Variants in GRIK1 observed in about 807,000 individuals in gnomAD.
The protein encoded by GRIK1 is glutamate receptor ionotropic, kainate 1.
Under a neutral mutation model 105.7 loss-of-function variants are expected in GRIK1, and 69 were observed. That is an observed-to-expected ratio of 0.65 (90% CI 0.54 to 0.80). The LOEUF (loss-of-function observed/expected upper bound fraction) is 0.80, where lower values mean the gene tolerates loss of function less well. Among genes scored for constraint, GRIK1 ranks in the 30% least tolerant of loss-of-function variants. The probability of loss-of-function intolerance (pLI) is 0.00; values close to 1 mark genes in which losing one functional copy is unlikely to be tolerated. For synonymous variants in GRIK1, 438 were observed against 431.3 expected, an observed-to-expected ratio of 1.02 and a Z score of -0.19; for missense variants, 1,109 against 1,167.3, an observed-to-expected ratio of 0.95 and a Z score of 0.73.
chr21:29,758,616 G>A (rs1243885221), intron 1 of GRIK1, among the ~76,000 whole-genome samples: 1 of 152,178 alleles, frequency 6.6e-6, no homozygotes, highest in Non-Finnish European at 1.5e-5. Context: ...ATAAGGTCAA[G>A]TCATGACAAA....
At chr21:29,738,410 C>G (rs1236594058) in intron 1 of GRIK1, among the ~76,000 whole-genome samples, 2 of 152,144 alleles carry the variant, frequency 1.3e-5, no homozygotes, top group African/African-American at 4.8e-5. Flanking sequence ...TCCATCATAC[C>G]AAGAGGATGG....
chr21:29,588,500 C>A (rs1310874846), intron 11 of GRIK1, among the ~76,000 whole-genome samples: 1 of 152,158 alleles, frequency 6.6e-6, no homozygotes, highest in African/African-American at 2.4e-5. Context: ...ACCTGCCACC[C>A]TGTGATGAAG....
chr21:29,594,133 G>A (rs970190135), intron 9 of GRIK1, among the ~76,000 whole-genome samples: 32 of 152,276 alleles, frequency 2.1e-4, no homozygotes, highest in African/African-American at 7.5e-4. Flanking sequence ...TATATGCTGA[G>A]TGACCTCAGT....
chr21:29,778,907 G>C (rs775750326), intron 1 of GRIK1, among the ~76,000 whole-genome samples: 7 of 152,084 alleles, frequency 4.6e-5, no homozygotes, highest in Non-Finnish European at 1.0e-4. Flanking sequence ...CTTAACCAGA[G>C]GGCTTTTCGA....
chr21:29,819,525 T>C (rs2067242375), intron 1 of GRIK1, among the ~76,000 whole-genome samples: 1 of 152,026 alleles, frequency 6.6e-6, no homozygotes, highest in East Asian at 1.9e-4. Flanking sequence ...ATTTTCTTCT[T>C]TCTATTTTTA....
Position 29,670,439 on chromosome 21 carries a change from C to T in GRIK1, c.726+2544G>A, listed in dbSNP as rs558988640. 6.0e-4 allele frequency among the ~76,000 whole-genome samples: 91 copies of T among 152,174 alleles called. 1 individual carries two copies. Among genetic ancestry groups the T allele is most frequent in the East Asian group, 9.6e-4 (5 of 5,192 alleles). ...TAATTGTCCTTTGAATGATGTAATC[C>T]CCAGGCTACTAGGAAAGAGCTACTT... On this transcript the variant is annotated intron_variant, in intron 4 of 17. Transcript: ENST00000327783.
intron 7 of GRIK1, chr21:29,601,295 A>G: frequency 4.2e-6 from 2 of 477,390 alleles, no homozygotes; most frequent in Admixed American, 2.0e-5. Flanking sequence ...CTTCGTTCTC[A>G]GGCCTTTAGA....
At chr21:29,732,763 C>T (rs982313375) in intron 1 of GRIK1, among the ~76,000 whole-genome samples, 1 of 152,060 alleles carries the variant, frequency 6.6e-6, no homozygotes, top group African/African-American at 2.4e-5. Context: ...TTGCCTCACT[C>T]GATTTTGGAT....
At chr21:29,553,238 G>A in intron 16 of GRIK1, 1 of 1,001,052 alleles carries the variant, frequency 1.0e-6, no homozygotes. Context: ...TTGAAAGTCT[G>A]AATCTCCTTT....
At chr21:29,790,338 C>T (rs923576519) in intron 1 of GRIK1, among the ~76,000 whole-genome samples, 4 of 152,018 alleles carry the variant, frequency 2.6e-5, no homozygotes, top group Admixed American at 6.5e-5. Context: ...TGAGCCACCT[C>T]GCCTGGCCAA....
chr21:29,938,850 A>C (rs139950465), intron 1 of GRIK1, among the ~76,000 whole-genome samples: 1 of 15,642 alleles, frequency 6.4e-5, no homozygotes, highest in South Asian at 1.1e-3. Context: ...ATGTGGAAGA[A>C]TCCAACTTAG....
intron 14 of GRIK1, among the ~76,000 whole-genome samples, chr21:29,564,780 C>T (rs1276576293): frequency 6.6e-6 from 1 of 152,176 alleles, no homozygotes; most frequent in African/African-American, 2.4e-5. Context: ...GTCTAATCCA[C>T]GGGTAAGAGA....
At chr21:29,895,623 A>C (rs151070920) in intron 1 of GRIK1, among the ~76,000 whole-genome samples, 3 of 152,316 alleles carry the variant, frequency 2.0e-5, no homozygotes, top group Non-Finnish European at 2.9e-5. Flanking sequence ...CCCAGATGTA[A>C]TGAACATTCA....
chr21:29,594,432 C>G (rs114688775), intron 9 of GRIK1, among the ~76,000 whole-genome samples: 3 of 152,032 alleles, frequency 2.0e-5, no homozygotes, highest in Non-Finnish European at 1.5e-5. Flanking sequence ...CTCCAGGGAG[C>G]GGAACCTCAG....
At chr21:29,573,853 GAAAA>G (rs35503363) in intron 14 of GRIK1, among the ~76,000 whole-genome samples, 4 of 114,124 alleles carry the variant, frequency 3.5e-5, no homozygotes, top group East Asian at 5.2e-4. Flanking sequence ...ACTCCGTCTG[GAAAA>G]AAAAAAAAAA....
At chr21:29,701,675 G>A (rs1337220970) in intron 1 of GRIK1, among the ~76,000 whole-genome samples, 2 of 152,190 alleles carry the variant, frequency 1.3e-5, no homozygotes, top group East Asian at 3.8e-4. Context: ...AGACTGAAGG[G>A]AGGAGAAGGG....
chr21:29,669,687 AG>A (rs748257664), intron 4 of GRIK1, among the ~76,000 whole-genome samples: 30 of 152,172 alleles, frequency 2.0e-4, no homozygotes, highest in Non-Finnish European at 3.5e-4. Flanking sequence ...AACTCACCTC[AG>A]GGGGTTGTTT....
At chr21:29,908,032 C>A (rs181720102) in intron 1 of GRIK1, among the ~76,000 whole-genome samples, 262 of 151,908 alleles carry the variant, frequency 1.7e-3, no homozygotes, top group Middle Eastern at 6.8e-3. Flanking sequence ...GCAAGTGGTC[C>A]CATTGGTCTT....
chr21:29,654,941 A>G, intron 4 of GRIK1, 78 bp from the exon 5 acceptor site: 2 of 887,482 alleles, frequency 2.3e-6, no homozygotes, highest in East Asian at 2.4e-5. Flanking sequence ...GTGACTGCAA[A>G]TGCTTGGAAA....
Sources: allele counts gnomAD v4.1 joint callset (sites outside exome capture counted in the v4.1 genomes callset), GRCh38; gene constraint gnomAD v4.1.1; transcripts MANE v1.5; gene names NCBI Gene and HGNC (gene_info 2026-07-23, HGNC 2026-07-21).